SLC30A4: variants seen among roughly 807,000 people sequenced by gnomAD.
SLC30A4 encodes the protein solute carrier family 30 member 4.
A neutral mutation model predicts 41.7 loss-of-function variants in SLC30A4; 20 were observed. The observed-to-expected ratio is 0.48, with a 90% CI of 0.34 to 0.70. The LOEUF is 0.70. Among genes scored for constraint, SLC30A4 ranks in the 30% least tolerant of loss-of-function variants. The pLI is 0.01. For synonymous variants in SLC30A4, 181 were observed against 195.9 expected (o/e 0.92, Z 0.64); for missense variants, 441 against 529.3 (o/e 0.83, Z 1.64).
intron 3 of SLC30A4, among the ~76,000 whole-genome samples, chr15:45,499,214 G>A (rs1891966447): frequency 6.6e-6 from 1 of 151,736 alleles, no homozygotes; most frequent in African/African-American, 2.4e-5. Flanking sequence ...TGGGACTACA[G>A]GTACCCACCA....
chr15:45,485,852 G>C (rs1891692711), intron 7 of SLC30A4, among the ~76,000 whole-genome samples: 2 of 151,754 alleles, frequency 1.3e-5, no homozygotes, highest in Non-Finnish European at 2.9e-5. Context: ...CGAGTAGCTG[G>C]GATTACAGGC....
chr15:45,522,583 G>A (rs984957264), intron 1 of SLC30A4, 24 bp downstream of exon 1: 7 of 478,616 alleles, frequency 1.5e-5, no homozygotes, highest in African/African-American at 1.4e-4. Flanking sequence ...GGCTCCGCGA[G>A]GGGGCGGCAC....
intron 3 of SLC30A4, among the ~76,000 whole-genome samples, chr15:45,501,355 C>T (rs191215609): frequency 2.2e-3 from 334 of 152,124 alleles, no homozygotes; most frequent in African/African-American, 7.2e-3. Context: ...AATATTTAGT[C>T]CCAAATTACA....
rs1263418262 is a variant in SLC30A4 at position 45,511,301 on chromosome 15, G to A, written c.392-17C>T. ...TGTATCCACCTTAGAGTTACAAGTA[G>A]GAGAAAAAAGGAACAAGTTAATTTT... On this transcript the variant is annotated splice_polypyrimidine_tract_variant and intron_variant, in intron 2 of 7. Coordinates refer to ENST00000261867, the MANE Select transcript of SLC30A4 (RefSeq NM_013309.6). The A allele has an allele frequency of 2.7e-6, 4 of 1,489,874 alleles. No homozygotes were observed. The highest frequency in any genetic ancestry group is 2.3e-5 in the Admixed American group (1 of 43,738). 92.3% of individuals were successfully genotyped at this position (1,489,874 alleles called of 1,614,324 possible). A position where few individuals can be genotyped will look rare whatever the true frequency, so the allele number is the denominator to read the frequency against.
intron 3 of SLC30A4, chr15:45,503,008 A>G (rs1225611053): frequency 6.6e-6 from 1 of 151,188 alleles, no homozygotes; most frequent in Non-Finnish European, 1.5e-5. Flanking sequence ...AAAAAAAAAG[A>G]CTCCATTCAT....
intron 7 of SLC30A4, among the ~76,000 whole-genome samples, chr15:45,486,110 C>G (rs1395028295): frequency 6.8e-6 from 1 of 146,430 alleles, no homozygotes; most frequent in East Asian, 2.1e-4. Flanking sequence ...GCAACCTCCG[C>G]TTCATGAGTT....
intron 5 of SLC30A4, among the ~76,000 whole-genome samples, chr15:45,488,044 C>T (rs143062881): frequency 4.4e-3 from 668 of 151,510 alleles, no homozygotes; most frequent in Non-Finnish European, 7.7e-3. Context: ...ACTGATCCTC[C>T]AGCCTCAGCT....
chr15:45,496,879 T>TA (rs1288803170), intron 3 of SLC30A4, among the ~76,000 whole-genome samples: 13 of 132,422 alleles, frequency 9.8e-5, no homozygotes, highest in East Asian at 2.0e-4. Flanking sequence ...ATAAATAAAA[T>TA]AAATAGGTGT....
intron 2 of SLC30A4, chr15:45,521,127 A>G (rs1892653780): frequency 2.6e-6 from 1 of 387,932 alleles, no homozygotes; most frequent in African/African-American, 2.1e-5. Flanking sequence ...TTAAGAGATG[A>G]CATGTAAGAA....
Position 45,521,956 on chromosome 15 carries a change from C to T in SLC30A4, c.391+8G>A. 9.9e-6 allele frequency: 16 copies of T among 1,608,568 alleles called. No homozygotes were observed. Among genetic ancestry groups the T allele is most frequent in the Non-Finnish European group, 1.1e-5 (13 of 1,175,824 alleles). On this transcript the variant is annotated splice_region_variant and intron_variant, in intron 2 of 7. Transcript: ENST00000261867. Reference sequence around the variant, plus strand: ...GTAAACGGAAAGTGAGTTGGCAACACAACTCACCTACAAGTTCTCCAATCA... The same window carrying T: ...GTAAACGGAAAGTGAGTTGGCAACATAACTCACCTACAAGTTCTCCAATCA...
chr15:45,520,157 A>C (rs1298098031), intron 2 of SLC30A4, among the ~76,000 whole-genome samples: 1 of 152,134 alleles, frequency 6.6e-6, no homozygotes, highest in Non-Finnish European at 1.5e-5. Flanking sequence ...AGGACTTTGA[A>C]AGTTGGAGAG....
chr15:45,483,317 G>A lies in SLC30A4; in HGVS notation c.*1846C>T, dbSNP rs907546624. On this transcript the variant is annotated 3_prime_UTR_variant, in exon 8 of 8. Coordinates refer to ENST00000261867, the MANE Select transcript of SLC30A4 (RefSeq NM_013309.6). The stretch of plus-strand genomic sequence containing the variant: ...AGAATTTCAACTTACAATTTGCCTG[G>A]TACATTGTTACCCTACTCTGATTCT... The A allele has an allele frequency of 2.0e-5, 3 of 152,048 alleles. No individual in the cohort carries two copies. Among genetic ancestry groups the A allele is most frequent in the African/African-American group, 7.2e-5 (3 of 41,392 alleles). 9.4% of individuals were successfully genotyped at this position (152,048 alleles called of 1,614,324 possible). A position where few individuals can be genotyped will look rare whatever the true frequency, so the allele number is the denominator to read the frequency against.
At chr15:45,499,164 T>G (rs1566877815) in intron 3 of SLC30A4, among the ~76,000 whole-genome samples, 1 of 150,158 alleles carries the variant, frequency 6.7e-6, no homozygotes. Flanking sequence ...CTCTGCTTCC[T>G]GAGTTCAAGC....
intron 4 of SLC30A4, among the ~76,000 whole-genome samples, chr15:45,489,666 G>C (rs1298806390): frequency 6.6e-6 from 1 of 150,536 alleles, no homozygotes; most frequent in East Asian, 2.0e-4. Context: ...TATACCTAAT[G>C]CTAAATGACG....
At chr15:45,500,614 G>GTCTGTCTATCTATCTA (rs768291285) in intron 3 of SLC30A4, among the ~76,000 whole-genome samples, 5 of 149,744 alleles carry the variant, frequency 3.3e-5, no homozygotes, top group East Asian at 2.0e-4. Context: ...TTAAGGGTCT[G>GTCTGTCTATCTATCTA]TCTATCTATC....
chr15:45,522,260 G>A lies in SLC30A4; in HGVS notation c.95C>T (p.Ser32Leu). ...FLNDTSAFDF[S>L]DEAGDEGLSR... is the part of the protein sequence containing the mutation. ...AAGCCCCTCGTCCCCCGCCTCATCC[G>A]AGAAGTCAAAGGCGCTGGTGTCATT... Residue 32 changes from serine (S) to leucine (L), a missense_variant, in exon 2 of 8, where the codon TCG becomes TTG. Coordinates refer to ENST00000261867, the MANE Select transcript of SLC30A4 (RefSeq NM_013309.6). The A allele has an allele frequency of 1.2e-6, 2 of 1,614,164 alleles. No homozygotes were observed. Among genetic ancestry groups the A allele is most frequent in the Non-Finnish European group, 1.7e-6 (2 of 1,180,020 alleles).
intron 3 of SLC30A4, among the ~76,000 whole-genome samples, chr15:45,510,111 A>G (rs1014102204): frequency 9.2e-5 from 14 of 151,486 alleles, no homozygotes; most frequent in Non-Finnish European, 1.2e-4. Flanking sequence ...AGAAGATCAC[A>G]CCACTGCACT....
intron 2 of SLC30A4, among the ~76,000 whole-genome samples, chr15:45,517,426 T>C (rs1489305601): frequency 2.1e-5 from 3 of 140,926 alleles, no homozygotes; most frequent in African/African-American, 7.9e-5. Context: ...TGATCTCGGC[T>C]CACCACAACC....
intron 3 of SLC30A4, among the ~76,000 whole-genome samples, chr15:45,506,292 G>GA (rs1892155330): frequency 6.6e-6 from 1 of 151,998 alleles, no homozygotes; most frequent in South Asian, 2.1e-4. Context: ...AATCAACAGA[G>GA]AAAAAACCCA....
Sources: allele counts gnomAD v4.1 joint callset (sites outside exome capture counted in the v4.1 genomes callset), GRCh38; gene constraint gnomAD v4.1.1; transcripts MANE v1.5; gene names NCBI Gene and HGNC (gene_info 2026-07-23, HGNC 2026-07-21).